TENM3: variants seen among roughly 807,000 people sequenced by gnomAD.
TENM3 encodes teneurin transmembrane protein 3.
TENM3 carries 63 observed loss-of-function variants against 255.1 expected under a neutral mutation model. That is an observed-to-expected ratio of 0.25 (90% CI 0.20 to 0.30). TENM3 has a LOEUF of 0.30. Among genes scored for constraint, TENM3 ranks in the 10% least tolerant of loss-of-function variants. The probability of loss-of-function intolerance (pLI) is 1.00; values close to 1 mark genes in which losing one functional copy is unlikely to be tolerated. For missense variants in TENM3, 2,929 were observed against 3,461.1 expected (o/e 0.85, Z 3.86); for synonymous variants, 1,306 against 1,322.3 (o/e 0.99, Z 0.27).
the TENM3 span, among the ~76,000 whole-genome samples, chr4:181,713,964 G>A: frequency 3.3e-5 from 5 of 152,022 alleles, no homozygotes; most frequent in Admixed American, 2.0e-4. Context: ...TACTTTGTGG[G>A]GTCTTTCATA....
chr4:182,379,930 G>A (rs1247645799), intron 3 of TENM3, among the ~76,000 whole-genome samples: 1 of 152,104 alleles, frequency 6.6e-6, no homozygotes, highest in African/African-American at 2.4e-5. Context: ...GTGTACATTA[G>A]TACACAAGGC....
intron 1 of TENM3, among the ~76,000 whole-genome samples, chr4:182,285,995 C>T (rs1760705375): frequency 6.6e-6 from 1 of 152,118 alleles, no homozygotes; most frequent in Admixed American, 6.5e-5. Flanking sequence ...CAGGGCTTTG[C>T]TGGGCGTCCC....
intron 1 of TENM3, among the ~76,000 whole-genome samples, chr4:182,186,108 T>G (rs1017406287): frequency 6.6e-6 from 1 of 152,166 alleles, no homozygotes; most frequent in African/African-American, 2.4e-5. Context: ...ACTGTCTTTG[T>G]TAAATGGTGT....
In TENM3 at chr4:182,730,276, C is replaced by T; in HGVS notation, c.2662C>T (p.His888Tyr). The T allele has an allele frequency of 6.2e-7, 1 of 1,613,782 alleles. No individual in the cohort carries two copies. Among genetic ancestry groups the T allele is most frequent in the Non-Finnish European group, 8.5e-7 (1 of 1,179,790 alleles). The change falls in exon 15 of 28, where the codon CAT becomes TAT. Residue 888 changes from histidine (H) to tyrosine (Y), a missense_variant. His to Tyr is a moderately conservative substitution (Grantham distance 83). Transcript: ENST00000511685. Reference sequence around the variant, plus strand: ...TATTGGAGTAAATGTCTCGTTTTTCCATTACCCAGAATATGGATATACTAT... The same window carrying T: ...TATTGGAGTAAATGTCTCGTTTTTCTATTACCCAGAATATGGATATACTAT... Reference protein sequence around the residue: ...PLIGVNVSFFHYPEYGYTITR... With the variant: ...PLIGVNVSFFYYPEYGYTITR...
chr4:182,414,922 G>A (rs1174856564), intron 3 of TENM3, among the ~76,000 whole-genome samples: 2 of 152,148 alleles, frequency 1.3e-5, no homozygotes, highest in Non-Finnish European at 2.9e-5. Context: ...AATCTTCTAT[G>A]ACTGTGACAC....
At chr4:181,456,167 GTGTGTATATA>G in the TENM3 span, among the ~76,000 whole-genome samples, 3,801 of 146,532 alleles carry the variant, frequency 0.026, 167 homozygotes, top group African/African-American at 0.09. Flanking sequence ...GTACACATGT[GTGTGTATATA>G]TGTATATATG....
chr4:181,664,399 G>A, the TENM3 span, among the ~76,000 whole-genome samples: 1 of 152,010 alleles, frequency 6.6e-6, no homozygotes, highest in Non-Finnish European at 1.5e-5. Context: ...GAACCCAGGA[G>A]GCAGAGGTTG....
At chr4:181,452,344 C>T in the TENM3 span, among the ~76,000 whole-genome samples, 1 of 152,102 alleles carries the variant, frequency 6.6e-6, no homozygotes, top group Non-Finnish European at 1.5e-5. Context: ...TGTCCCCACC[C>T]AAATTTCATC....
chr4:182,177,934 A>G (rs1010733011), intron 1 of TENM3, among the ~76,000 whole-genome samples: 7 of 148,826 alleles, frequency 4.7e-5, no homozygotes, highest in African/African-American at 1.7e-4. Flanking sequence ...ACTTTTGTCC[A>G]ATATTTTATA....
the TENM3 span, among the ~76,000 whole-genome samples, chr4:181,941,914 T>G: frequency 6.6e-6 from 1 of 152,228 alleles, no homozygotes; most frequent in Non-Finnish European, 1.5e-5. Context: ...CACATCTGCA[T>G]GTTGAAGAGG....
At chr4:182,633,383 G>T (rs182850201) in intron 5 of TENM3, among the ~76,000 whole-genome samples, 2 of 152,310 alleles carry the variant, frequency 1.3e-5, no homozygotes, top group East Asian at 3.9e-4. Flanking sequence ...CAAGTGATGA[G>T]GACGTGCATA....
chr4:181,512,932 T>C, the TENM3 span, among the ~76,000 whole-genome samples: 5 of 152,190 alleles, frequency 3.3e-5, no homozygotes, highest in Non-Finnish European at 7.3e-5. Flanking sequence ...ATTAAGTGTC[T>C]GTGCTTTCTT....
At chr4:182,202,107 G>A (rs1175653768) in intron 1 of TENM3, among the ~76,000 whole-genome samples, 3 of 152,136 alleles carry the variant, frequency 2.0e-5, no homozygotes, top group Non-Finnish European at 1.5e-5. Flanking sequence ...TGTGCCAATG[G>A]GATTGGTTAA....
intron 12 of TENM3, among the ~76,000 whole-genome samples, chr4:182,689,992 G>A (rs1051066137): frequency 6.6e-6 from 1 of 152,116 alleles, no homozygotes; most frequent in African/African-American, 2.4e-5. Context: ...TTTTTATTGG[G>A]GCTTCTCCAG....
intron 6 of TENM3, among the ~76,000 whole-genome samples, chr4:182,658,554 C>T (rs1353752736): frequency 6.6e-6 from 1 of 152,158 alleles, no homozygotes; most frequent in Non-Finnish European, 1.5e-5. Flanking sequence ...GGAACATTTC[C>T]ACTTGGGTGT....
chr4:182,396,170 C>G (rs1768793205), intron 3 of TENM3, among the ~76,000 whole-genome samples: 2 of 152,260 alleles, frequency 1.3e-5, no homozygotes, highest in South Asian at 2.1e-4. Context: ...TTCTTACTTT[C>G]TCATAAGTCA....
intron 1 of TENM3, among the ~76,000 whole-genome samples, chr4:182,170,079 T>G (rs1579586453): frequency 1.3e-5 from 2 of 151,230 alleles, no homozygotes; most frequent in Admixed American, 6.6e-5. Flanking sequence ...TTGATCTTCA[T>G]TGGTTCCTTG....
chr4:181,932,706 C>A, the TENM3 span, among the ~76,000 whole-genome samples: 2 of 152,180 alleles, frequency 1.3e-5, no homozygotes, highest in South Asian at 4.1e-4. Context: ...TATGAAGACA[C>A]ATGCACACAT....
chr4:181,592,773 A>G, the TENM3 span, among the ~76,000 whole-genome samples: 1 of 151,838 alleles, frequency 6.6e-6, no homozygotes, highest in South Asian at 2.1e-4. Context: ...GTCAAGAGTA[A>G]CTCAGCCTTT....
Sources: allele counts gnomAD v4.1 joint callset (sites outside exome capture counted in the v4.1 genomes callset), GRCh38; gene constraint gnomAD v4.1.1; transcripts MANE v1.5; gene names NCBI Gene and HGNC (gene_info 2026-07-23, HGNC 2026-07-21).